PCDHGA5: variants seen among roughly 807,000 people sequenced by gnomAD.
The protein encoded by PCDHGA5 is protocadherin gamma-A5.
Under a neutral mutation model 56.7 loss-of-function variants are expected in PCDHGA5, and 36 were observed. That is an observed-to-expected ratio of 0.64 (90% CI 0.49 to 0.84). The LOEUF (loss-of-function observed/expected upper bound fraction) is 0.84, where lower values mean the gene tolerates loss of function less well. Among genes scored for constraint, PCDHGA5 ranks in the 40% least tolerant of loss-of-function variants. The probability of loss-of-function intolerance (pLI) is 0.00; values close to 1 mark genes in which losing one functional copy is unlikely to be tolerated. For missense variants in PCDHGA5, 1,305 were observed against 1,201.5 expected (o/e 1.09, Z -1.27); for synonymous variants, 563 against 520.2 (o/e 1.08, Z -1.12).
chr5:141,443,183 TTCTC>T (rs2098370937), intron 1 of PCDHGA5, among the ~76,000 whole-genome samples: 1 of 152,184 alleles, frequency 6.6e-6, no homozygotes, highest in Non-Finnish European at 1.5e-5. Context: ...CACTGCATCA[TTCTC>T]TATAGTACAA....
intron 1 of PCDHGA5, among the ~76,000 whole-genome samples, chr5:141,456,702 C>A (rs1185842343): frequency 6.6e-6 from 1 of 152,062 alleles, no homozygotes; most frequent in African/African-American, 2.4e-5. Flanking sequence ...TGGTGGCTCG[C>A]GCCTGTAATC....
At chr5:141,388,353 G>A (rs1441506976) in intron 1 of PCDHGA5, 1 of 1,613,858 alleles carries the variant, frequency 6.2e-7, no homozygotes, top group Non-Finnish European at 8.5e-7. Flanking sequence ...ATTAGGATCT[G>A]CCCATGATGC....
intron 1 of PCDHGA5, chr5:141,384,281 T>C (rs766739394): frequency 9.9e-6 from 16 of 1,613,774 alleles, no homozygotes; most frequent in Admixed American, 6.7e-5. Flanking sequence ...TCAGTCTACA[T>C]CGCTGAGAAC....
Position 141,501,290 on chromosome 5 carries a change from TACACACAC to T in PCDHGA5, c.2481-4066_2481-4059del, listed in dbSNP as rs55762287. 3.7e-3 allele frequency among the ~76,000 whole-genome samples: 499 copies of T among 136,222 alleles called. 2 individuals carry two copies. Among genetic ancestry groups the T allele is most frequent in the Middle Eastern group, 0.033 (9 of 270 alleles). 89.4% of individuals were successfully genotyped at this position (136,222 alleles called of 152,430 possible). On this transcript the variant is annotated intron_variant, in intron 2 of 3. Transcript: ENST00000518069. ...GTCCAGTCTATGGGATATTCCCTTA[TACACACAC>T]ACACACACACACACACACACACACA... is the stretch of plus-strand genomic sequence containing the variant.
At chr5:141,464,682 T>C (rs1442997972) in intron 1 of PCDHGA5, among the ~76,000 whole-genome samples, 1 of 152,132 alleles carries the variant, frequency 6.6e-6, no homozygotes, top group Non-Finnish European at 1.5e-5. Flanking sequence ...TTAATTAAAA[T>C]TTCTCTTATT....
At chr5:141,410,364 C>A in intron 1 of PCDHGA5, 1 of 1,614,064 alleles carries the variant, frequency 6.2e-7, no homozygotes, top group Non-Finnish European at 8.5e-7. Flanking sequence ...TCTCTCAGCC[C>A]TGCTACTTGG....
chr5:141,367,668 G>T (rs1218712700), intron 1 of PCDHGA5: 2 of 152,216 alleles, frequency 1.3e-5, no homozygotes, highest in East Asian at 3.9e-4. Flanking sequence ...TGGATATGTG[G>T]GCTTGTTGAG....
intron 1 of PCDHGA5, among the ~76,000 whole-genome samples, chr5:141,445,078 G>T (rs1591839605): frequency 6.6e-6 from 1 of 152,208 alleles, no homozygotes; most frequent in East Asian, 1.9e-4. Flanking sequence ...TCATTAAATT[G>T]TCCCTACATA....
intron 1 of PCDHGA5, chr5:141,433,358 C>CCCAT (rs1554125967): frequency 7.1e-5 from 36 of 503,934 alleles, no homozygotes; most frequent in African/African-American, 1.2e-4. Flanking sequence ...CTACTGTCTG[C>CCCAT]CTATCTATCT....
At chr5:141,419,422 C>T (rs374564347) in intron 1 of PCDHGA5, 9 of 1,613,378 alleles carry the variant, frequency 5.6e-6, no homozygotes, top group Non-Finnish European at 7.6e-6. Flanking sequence ...GCGCCTTCGA[C>T]CACGAGCAGC....
At chr5:141,366,940 C>G in intron 1 of PCDHGA5, 189 bp downstream of exon 1, 1 of 819,904 alleles carries the variant, frequency 1.2e-6, no homozygotes, top group East Asian at 2.8e-5. Context: ...GGAAGTCTAG[C>G]TGATATCTGT....
At chr5:141,462,152 G>C (rs1336635196) in intron 1 of PCDHGA5, among the ~76,000 whole-genome samples, 6 of 152,034 alleles carry the variant, frequency 3.9e-5, no homozygotes, top group African/African-American at 7.2e-5. Flanking sequence ...TAGAGATGGG[G>C]TTTCATCATG....
chr5:141,385,545 A>G, intron 1 of PCDHGA5: 1 of 1,319,590 alleles, frequency 7.6e-7, no homozygotes, highest in Non-Finnish European at 9.7e-7. Flanking sequence ...TATGTGGACT[A>G]TCACATTTTA....
chr5:141,417,038 T>TTA (rs1491140470), intron 1 of PCDHGA5: 1 of 145,854 alleles, frequency 6.9e-6, no homozygotes, highest in Non-Finnish European at 1.5e-5. Context: ...GTTTTTTTTT[T>TTA]AAAAAAAACT....
chr5:141,413,227 G>T (rs552225139), intron 1 of PCDHGA5: 2 of 1,613,938 alleles, frequency 1.2e-6, no homozygotes, highest in South Asian at 2.2e-5. Flanking sequence ...CAGCGGGCTG[G>T]TCCTGCTCTG....
chr5:141,366,469 G>A lies in PCDHGA5; in HGVS notation c.2139G>A (p.Val713=), dbSNP rs575828819. The part of the protein sequence containing the change: ...VFLAFVIVLL[V]LRLRRWHKSR... ...TGGCCTTCGTCATCGTGCTGCTGGT[G>A]CTCAGACTGAGGCGCTGGCACAAGT... The change falls in exon 1 of 4, where the codon GTG becomes GTA. Residue 713 remains valine, a synonymous_variant. Transcript: ENST00000518069. The A allele has an allele frequency of 6.2e-7, 1 of 1,614,256 alleles. No homozygotes were observed.
intron 1 of PCDHGA5, among the ~76,000 whole-genome samples, chr5:141,386,310 A>G (rs891781671): frequency 6.6e-6 from 1 of 152,216 alleles, no homozygotes; most frequent in African/African-American, 2.4e-5. Flanking sequence ...AGCTCAGTAT[A>G]TCAAGTGATT....
At chr5:141,419,656 G>A (rs1374057056) in intron 1 of PCDHGA5, 15 of 1,612,528 alleles carry the variant, frequency 9.3e-6, no homozygotes, top group Non-Finnish European at 8.5e-6. Context: ...CGGACTCGGG[G>A]CACAATGCCT....
At position 141,365,998 on chromosome 5, in the gene PCDHGA5, C is replaced by A. The variant is rs374639173; in HGVS notation, c.1668C>A (p.Asn556Lys). 3.1e-6 allele frequency: 5 copies of A among 1,614,116 alleles called. No homozygotes were observed. Among genetic ancestry groups the A allele is most frequent in the Admixed American group, 3.3e-5 (2 of 60,012 alleles). Residue 556 changes from asparagine to lysine, a missense_variant, in exon 1 of 4, where the codon AAC becomes AAA. By Grantham distance (94) the Asn-to-Lys change is moderately conservative. Transcript: ENST00000518069. ...TGAGCCTGTTTGTGCTGGACCAGAA[C>A]GACAATACGCCTGAGATCCTGTACC... ...VSLSLFVLDQ[N>K]DNTPEILYPA...
Sources: allele counts gnomAD v4.1 joint callset (sites outside exome capture counted in the v4.1 genomes callset), GRCh38; gene constraint gnomAD v4.1.1; transcripts MANE v1.5; gene names NCBI Gene and HGNC (gene_info 2026-07-23, HGNC 2026-07-21).